Variants in SHKBP1 observed in about 807,000 individuals in gnomAD.
SHKBP1 encodes the protein SH3KBP1 binding protein 1, also known as SH3KBP1-binding protein 1.
In SHKBP1, 71 loss-of-function variants were observed where a neutral mutation model predicts 83.9. The ratio of observed to expected loss-of-function variants is 0.85; its 90% CI spans 0.70 to 1.03. The LOEUF (loss-of-function observed/expected upper bound fraction) is 1.03, where lower values mean the gene tolerates loss of function less well. Among genes scored for constraint, SHKBP1 ranks in the 50% least tolerant of loss-of-function variants. SHKBP1 has a pLI of 0.00. For missense variants in SHKBP1, 824 were observed against 982.4 expected (o/e 0.84, Z 2.16); for synonymous variants, 371 against 398.0 (o/e 0.93, Z 0.81).
At chr19:40,578,331 T>C in intron 5 of SHKBP1, 119 bp downstream of exon 5, 1 of 1,456,596 alleles carries the variant, frequency 6.9e-7, no homozygotes, top group South Asian at 1.2e-5. Flanking sequence ...GAGGACTGGT[T>C]ATGGCCCTGG....
chr19:40,583,103 G>A (rs2081283177), intron 10 of SHKBP1, among the ~76,000 whole-genome samples: 1 of 152,092 alleles, frequency 6.6e-6, no homozygotes, highest in Admixed American at 6.6e-5. Flanking sequence ...GAGCCCAGGA[G>A]TTTGACGCCA....
chr19:40,582,391 C>T lies in SHKBP1; in HGVS notation c.885C>T (p.Phe295=), dbSNP rs765345580. 20 of 1,614,158 alleles carry T rather than the reference C, an allele frequency of 1.2e-5. No homozygotes were observed. The highest frequency in any genetic ancestry group is 3.3e-4 in the Middle Eastern group (2 of 6,060). The stretch of plus-strand genomic sequence containing the variant: ...GGGTGCCTGTGGAGGCCTTGTTCTT[C>T]GTCGGGAACCAGCTCATTGCTACAA... The part of the protein sequence containing the change: ...HLGVPVEALF[F]VGNQLIATSH... Residue 295 remains phenylalanine (F), a synonymous_variant, in exon 10 of 18, where the codon TTC becomes TTT. Transcript: ENST00000291842.
At chr19:40,588,514 C>T in intron 13 of SHKBP1, 110 bp from the exon 14 acceptor site, 1 of 1,358,584 alleles carries the variant, frequency 7.4e-7, no homozygotes, top group Non-Finnish European at 1.0e-6. Context: ...AAGGGAAGAA[C>T]TCAGCAAGGG....
chr19:40,580,689 C>A, intron 8 of SHKBP1, 33 bp downstream of exon 8: 2 of 1,613,900 alleles, frequency 1.2e-6, no homozygotes, highest in Non-Finnish European at 1.7e-6. Flanking sequence ...GAGGTCCCAG[C>A]CCTGTTGATG....
In SHKBP1 at chr19:40,590,518, T is replaced by G; in HGVS notation, c.1768+96T>G. 1 of 1,423,266 alleles carries G rather than the reference T, an allele frequency of 7.0e-7. No homozygotes were observed. The highest frequency in any genetic ancestry group is 9.6e-7 in the Non-Finnish European group (1 of 1,046,472). The allele number at this position is 1,423,266 out of a possible 1,614,324, so 88.2% of individuals were successfully genotyped here. A position where few individuals can be genotyped will look rare whatever the true frequency, so the allele number is the denominator to read the frequency against. On this transcript the variant is annotated intron_variant, in intron 16 of 17. Coordinates refer to ENST00000291842, the MANE Select transcript of SHKBP1 (RefSeq NM_138392.4). The surrounding 1 kb of genome is among the most constrained non-coding windows in gnomAD (Gnocchi z 4.6). The stretch of plus-strand genomic sequence containing the variant: ...CTGCTTGATCTCTCTCCCAGGCCCT[T>G]GCCCTCTGACCCCTTTTCCTTTGAC...
chr19:40,579,096 A>G (rs554772671), intron 6 of SHKBP1, among the ~76,000 whole-genome samples: 1 of 149,834 alleles, frequency 6.7e-6, no homozygotes, highest in African/African-American at 2.5e-5. Context: ...CCGAAAAACA[A>G]TCATTTATTT....
chr19:40,589,483 G>A (rs1325476859), intron 15 of SHKBP1, among the ~76,000 whole-genome samples: 1 of 115,482 alleles, frequency 8.7e-6, no homozygotes, highest in Non-Finnish European at 1.8e-5. Context: ...AGGGGGAGGG[G>A]TGGGATGGGG....
In SHKBP1 at chr19:40,590,597, C is replaced by T; in HGVS notation, c.1769-133C>T. 7.6e-7 allele frequency: 1 copy of T among 1,320,910 alleles called. No individual in the cohort carries two copies. Among genetic ancestry groups the T allele is most frequent in the Non-Finnish European group, 1.0e-6 (1 of 963,164 alleles). The allele number at this position is 1,320,910 out of a possible 1,614,324, so 81.8% of individuals were successfully genotyped here. A position where few individuals can be genotyped will look rare whatever the true frequency, so the allele number is the denominator to read the frequency against. On this transcript the variant is annotated intron_variant, in intron 16 of 17. Transcript: ENST00000291842. This position sits in a 1 kb window ranked among gnomAD's most constrained non-coding sequence, Gnocchi z 4.6. ...CCTTGTTTTTCAACCCCTGTCTCAG[C>T]CTCTGGCCCCCATGCATTGATCTCT...
chr19:40,578,047 C>T, intron 4 of SHKBP1, 107 bp from the exon 5 acceptor site: 1 of 916,026 alleles, frequency 1.1e-6, no homozygotes, highest in Non-Finnish European at 1.8e-6. Flanking sequence ...TCCATCAAAA[C>T]TTTCTACCCC....
chr19:40,583,445 C>T lies in SHKBP1; in HGVS notation c.1008C>T (p.Phe336=), dbSNP rs1470717745. 2 of 1,606,806 alleles carry T rather than the reference C, an allele frequency of 1.2e-6. No individual in the cohort carries two copies. The highest frequency in any genetic ancestry group is 1.3e-5 in the African/African-American group (1 of 74,786). ...CCAGTTATGACGCGGCAGGCTCCTT[C>T]CTCCTCCTGGGCTGCAACAACGGCT... ...PITSYDAAGS[F]LLLGCNNGSI... Residue 336 remains phenylalanine (F), a synonymous_variant, in exon 11 of 18, where the codon TTC becomes TTT. Coordinates refer to ENST00000291842, the MANE Select transcript of SHKBP1 (RefSeq NM_138392.4).
chr19:40,580,269 T>C, intron 6 of SHKBP1, 55 bp from the exon 7 acceptor site: 1 of 1,571,232 alleles, frequency 6.4e-7, no homozygotes. Flanking sequence ...AAGTGCTTGC[T>C]GTGTGACAGC....
At chr19:40,577,345 A>G in intron 2 of SHKBP1, 51 bp from the exon 3 acceptor site, 1 of 1,613,560 alleles carries the variant, frequency 6.2e-7, no homozygotes, top group Non-Finnish European at 8.5e-7. Flanking sequence ...TGGGAGACCT[A>G]ATATCCACTC....
chr19:40,586,995 G>A (rs371334105), intron 13 of SHKBP1, 51 bp downstream of exon 13: 7 of 1,496,854 alleles, frequency 4.7e-6, no homozygotes, highest in Non-Finnish European at 6.4e-6. Context: ...TCAGATGGGA[G>A]TGTGGAGACA....
Position 40,590,476 on chromosome 19 carries a change from C to A in SHKBP1, c.1768+54C>A. 1 of 1,535,982 alleles carries A rather than the reference C, an allele frequency of 6.5e-7. No homozygotes were observed. On this transcript the variant is annotated intron_variant, in intron 16 of 17. Coordinates refer to ENST00000291842, the MANE Select transcript of SHKBP1 (RefSeq NM_138392.4). The surrounding 1 kb of genome is among the most constrained non-coding windows in gnomAD (Gnocchi z 4.6). ...CCAAGCCCCACAGCCTCACCCAGAACCACTCTCCACTGCCAACTGCTTGAT... is the reference window on the plus strand; with the variant it reads ...CCAAGCCCCACAGCCTCACCCAGAAACACTCTCCACTGCCAACTGCTTGAT...
intron 5 of SHKBP1, 63 bp from the exon 6 acceptor site, chr19:40,578,399 A>G: frequency 1.3e-6 from 2 of 1,564,332 alleles, no homozygotes; most frequent in Non-Finnish European, 1.8e-6. Flanking sequence ...AGAAATGGGG[A>G]GGGGGAAATG....
intron 1 of SHKBP1, 54 bp from the exon 2 acceptor site, chr19:40,577,177 C>A: frequency 6.3e-7 from 1 of 1,597,724 alleles, no homozygotes; most frequent in Non-Finnish European, 8.6e-7. Flanking sequence ...GAGGGGGACG[C>A]ATTCCTCACC....
chr19:40,577,710 G>A (rs749369474), intron 4 of SHKBP1, 80 bp downstream of exon 4: 5 of 1,473,974 alleles, frequency 3.4e-6, no homozygotes, highest in African/African-American at 1.4e-5. Flanking sequence ...GAATGTCCAC[G>A]TGAGCTCCAT....
rs1453488861 is a variant in SHKBP1 at position 40,580,635 on chromosome 19, C to T, written c.632C>T (p.Thr211Ile). 1 of 1,614,128 alleles carries T rather than the reference C, an allele frequency of 6.2e-7. No individual in the cohort carries two copies. Among genetic ancestry groups the T allele is most frequent in the South Asian group, 1.1e-5 (1 of 91,088 alleles). The change falls in exon 8 of 18, where the codon ACC becomes ATC. Residue 211 changes from threonine (T) to isoleucine (I), a missense_variant. Coordinates refer to ENST00000291842, the MANE Select transcript of SHKBP1 (RefSeq NM_138392.4). ...GHHNWIAVAY[T>I]QFLVCYRLKE... ...CATAATTGGATCGCTGTGGCCTATACCCAGTTTCTAGTCTGCTACAGGTGC... is the reference window on the plus strand; with the variant it reads ...CATAATTGGATCGCTGTGGCCTATATCCAGTTTCTAGTCTGCTACAGGTGC...
chr19:40,590,701 C>T lies in SHKBP1; in HGVS notation c.1769-29C>T. 8 of 1,553,210 alleles carry T rather than the reference C, an allele frequency of 5.2e-6. No homozygotes were observed. In the South Asian group the frequency reaches 8.3e-5, roughly 16 times the overall value. On this transcript the variant is annotated intron_variant, in intron 16 of 17. Transcript: ENST00000291842. This position sits in a 1 kb window ranked among gnomAD's most constrained non-coding sequence, Gnocchi z 4.6. ...CCCTTGCCCTATGACCCCTGTCTTG[C>T]CCCCTGACCCTGCTTCCGTGCCCCC...
Sources: allele counts gnomAD v4.1 joint callset (sites outside exome capture counted in the v4.1 genomes callset), GRCh38; gene constraint gnomAD v4.1.1; non-coding constraint Gnocchi (gnomAD v3.1); transcripts MANE v1.5; gene names NCBI Gene and HGNC (gene_info 2026-07-23, HGNC 2026-07-21).